The following ROCK1 variants were observed in gnomAD, a reference collection of about 807,000 sequenced individuals.
ROCK1 encodes the protein Rho associated coiled-coil containing protein kinase 1, also known as rho-associated protein kinase 1.
ROCK1 carries 36 observed loss-of-function variants against 196.8 expected under a neutral mutation model. That is an observed-to-expected ratio of 0.18 (90% CI 0.14 to 0.24). The LOEUF is 0.24. ROCK1 is among the 10% of genes least tolerant of loss of function. The probability of loss-of-function intolerance (pLI) is 1.00; values close to 1 mark genes in which losing one functional copy is unlikely to be tolerated. For synonymous variants in ROCK1, 443 were observed against 515.9 expected (o/e 0.86, Z 1.91); for missense variants, 920 against 1,562.0 (o/e 0.59, Z 6.93).
chr18:21,029,151 T>A (rs1344256618), intron 9 of ROCK1, among the ~76,000 whole-genome samples: 2 of 152,160 alleles, frequency 1.3e-5, no homozygotes, highest in African/African-American at 2.4e-5. Context: ...ATCTTCAAAG[T>A]CACCTATAAT....
intron 22 of ROCK1, among the ~76,000 whole-genome samples, chr18:20,977,886 A>C (rs2035494980): frequency 6.6e-6 from 1 of 152,198 alleles, no homozygotes; most frequent in Non-Finnish European, 1.5e-5. Flanking sequence ...TGACTATATC[A>C]GAGAATAACC....
In ROCK1 at chr18:21,015,418, A is replaced by C. The variant is rs753849751; in HGVS notation, c.1410+13T>G. Reference sequence around the variant, plus strand: ...ATCTCAAAAAGGAAACTTGATTAGAAAACAAAAAGTACCTCTTCATCCAAT... The same window carrying C: ...ATCTCAAAAAGGAAACTTGATTAGACAACAAAAAGTACCTCTTCATCCAAT... On this transcript the variant is annotated intron_variant, in intron 13 of 32. Transcript: ENST00000399799. 1.3e-6 allele frequency: 2 copies of C among 1,533,448 alleles called. No homozygotes were observed. Among genetic ancestry groups the C allele is most frequent in the South Asian group, 2.3e-5 (2 of 86,904 alleles). The allele number at this position is 1,533,448 out of a possible 1,614,324, so 95.0% of individuals were successfully genotyped here. A position where few individuals can be genotyped will look rare whatever the true frequency, so the allele number is the denominator to read the frequency against.
chr18:20,971,659 G>A (rs1174569009), intron 22 of ROCK1, among the ~76,000 whole-genome samples: 7 of 137,406 alleles, frequency 5.1e-5, no homozygotes, highest in South Asian at 2.4e-4. Context: ...GCAAGACTCC[G>A]TCTCAAAAAT....
At position 20,947,568 on chromosome 18, in the gene ROCK1, G is replaced by A. The variant is rs1041183577; in HGVS notation, c.*3816C>T. ...TTCCAAGTGTCAGGCCAGGCACGGT[G>A]GCCTACACCTGTAATGAGAGAGTAA... is the stretch of plus-strand genomic sequence containing the variant. On this transcript the variant is annotated 3_prime_UTR_variant, in exon 33 of 33. Transcript: ENST00000399799. 2.0e-5 allele frequency: 3 copies of A among 152,018 alleles called. No individual in the cohort carries two copies. The highest frequency in any genetic ancestry group is 7.2e-5 in the African/African-American group (3 of 41,388). 9.4% of individuals were successfully genotyped at this position (152,018 alleles called of 1,614,324 possible). A position where few individuals can be genotyped will look rare whatever the true frequency, so the allele number is the denominator to read the frequency against.
intron 22 of ROCK1, among the ~76,000 whole-genome samples, chr18:20,973,276 T>G (rs1326276718): frequency 6.6e-6 from 1 of 151,480 alleles, no homozygotes; most frequent in African/African-American, 2.4e-5. Flanking sequence ...GATAAGAGAA[T>G]TGTTGGAATC....
intron 1 of ROCK1, among the ~76,000 whole-genome samples, chr18:21,103,053 C>A (rs1457211786): frequency 6.6e-6 from 1 of 152,094 alleles, no homozygotes; most frequent in African/African-American, 2.4e-5. Context: ...TGAACATCTA[C>A]CTTCCTATTA....
chr18:21,040,194 G>GT (rs2036093254), intron 8 of ROCK1, among the ~76,000 whole-genome samples: 1 of 152,126 alleles, frequency 6.6e-6, no homozygotes. Flanking sequence ...ACAGTTTTTT[G>GT]TGTGTGTGTG....
rs140086189 is a variant in ROCK1 at position 21,001,691 on chromosome 18, G to A, written c.1885+4660C>T. ...GAGGCAGGAGAACCACTTGAACCTG[G>A]GAGGCAGAGGTTGCAATGAGCCGAG... On this transcript the variant is annotated intron_variant, in intron 16 of 32. Coordinates refer to ENST00000399799, the MANE Select transcript of ROCK1 (RefSeq NM_005406.3). Among the ~76,000 whole-genome samples, 1,221 of 152,062 alleles carry A rather than the reference G, an allele frequency of 8.0e-3. 20 individuals are homozygous for A. Among genetic ancestry groups the A allele is most frequent in the African/African-American group, 0.027 (1,109 of 41,476 alleles).
intron 19 of ROCK1, among the ~76,000 whole-genome samples, chr18:20,985,564 G>A (rs2035571001): frequency 6.6e-6 from 1 of 152,102 alleles, no homozygotes; most frequent in South Asian, 2.1e-4. Flanking sequence ...AATGCTTGTA[G>A]TTACTATTTT....
chr18:21,085,943 A>G (rs1348875777), intron 1 of ROCK1, among the ~76,000 whole-genome samples: 2 of 152,154 alleles, frequency 1.3e-5, no homozygotes, highest in African/African-American at 4.8e-5. Flanking sequence ...GGTGAACACA[A>G]TCAAAGTTTT....
chr18:21,045,068 C>T (rs150915447), intron 5 of ROCK1: 3 of 259,318 alleles, frequency 1.2e-5, no homozygotes, highest in African/African-American at 6.9e-5. Flanking sequence ...ACCATGTTGT[C>T]CAGGCTGGTG....
At chr18:21,100,338 G>A (rs1028007913) in intron 1 of ROCK1, among the ~76,000 whole-genome samples, 1 of 151,650 alleles carries the variant, frequency 6.6e-6, no homozygotes, top group Non-Finnish European at 1.5e-5. Flanking sequence ...CTGGAGGAAT[G>A]GCTGATTTCC....
intron 29 of ROCK1, among the ~76,000 whole-genome samples, chr18:20,959,120 A>ATAAT (rs1568367465): frequency 9.4e-5 from 5 of 53,288 alleles, no homozygotes; most frequent in African/African-American, 5.2e-4. Context: ...TATATTATAT[A>ATAAT]ATATATATAT....
At chr18:21,039,655 T>G in intron 8 of ROCK1, 92 bp from the exon 9 acceptor site, 1 of 840,646 alleles carries the variant, frequency 1.2e-6, no homozygotes. Context: ...ATTAAATCAG[T>G]GTAGGACGAC....
At position 21,042,628 on chromosome 18, in the gene ROCK1, C is replaced by T. The variant is rs761674344; in HGVS notation, c.757G>A (p.Gly253Ser). 2 of 1,613,948 alleles carry T rather than the reference C, an allele frequency of 1.2e-6. No individual in the cohort carries two copies. Among genetic ancestry groups the T allele is most frequent in the Non-Finnish European group, 1.7e-6 (2 of 1,179,888 alleles). The change falls in exon 7 of 33, where the codon GGT becomes AGT. Residue 253 changes from glycine (G) to serine (S), a missense_variant. By Grantham distance (56) the Gly-to-Ser change is moderately conservative. This residue lies in a region of ROCK1 where 234 missense variants were observed against 460.7 expected (regional missense o/e 0.51). Coordinates refer to ENST00000399799, the MANE Select transcript of ROCK1 (RefSeq NM_005406.3). ...CAGTCACATTCTCTTCCATAATAAC[C>T]ATCACCACCTTGGGATTTTAATACT... ...PEVLKSQGGD[G>S]YYGRECDWWS...
At chr18:21,002,147 G>GACCA (rs1355313399) in intron 16 of ROCK1, among the ~76,000 whole-genome samples, 1 of 152,014 alleles carries the variant, frequency 6.6e-6, no homozygotes, top group Non-Finnish European at 1.5e-5. Context: ...TACAAACATT[G>GACCA]ACCAACCCAA....
intron 29 of ROCK1, among the ~76,000 whole-genome samples, chr18:20,958,882 A>AAT (rs1555743038): frequency 1.1e-4 from 3 of 26,878 alleles, no homozygotes; most frequent in African/African-American, 1.7e-4. Context: ...TATATATATA[A>AAT]ATATATATAT....
At chr18:21,031,685 C>A (rs2036009333) in intron 9 of ROCK1, among the ~76,000 whole-genome samples, 1 of 149,860 alleles carries the variant, frequency 6.7e-6, no homozygotes, top group Admixed American at 6.6e-5. Context: ...TCAACAAAAT[C>A]TTAAACTCTC....
chr18:20,978,344 TA>T (rs1230607859), intron 22 of ROCK1, among the ~76,000 whole-genome samples: 2 of 152,294 alleles, frequency 1.3e-5, no homozygotes, highest in East Asian at 3.9e-4. Context: ...ATATATGAAT[TA>T]GTCTTCTTCC....
Sources: gnomAD v4.1 joint callset for allele counts (sites outside exome capture counted in the v4.1 genomes callset) on GRCh38, gnomAD v4.1.1 for gene constraint, gnomAD v4.1.1 regional missense constraint, MANE v1.5 for transcripts, NCBI Gene and HGNC (gene_info 2026-07-23, HGNC 2026-07-21) for gene names.